The following FAM107B variants were observed in gnomAD, a reference collection of about 807,000 sequenced individuals.
FAM107B encodes protein FAM107B.
FAM107B carries 21 observed loss-of-function variants against 31.5 expected under a neutral mutation model. The observed-to-expected ratio is 0.67, with a 90% CI of 0.47 to 0.96. The LOEUF (loss-of-function observed/expected upper bound fraction) is 0.96. FAM107B is among the 40% of genes least tolerant of loss of function. FAM107B has a pLI of 0.00. For missense variants in FAM107B, 452 were observed against 377.1 expected (o/e 1.20, Z -1.64); for synonymous variants, 157 against 141.5 (o/e 1.11, Z -0.78).
chr10:14,568,043 G>A (rs1013099511), intron 2 of FAM107B, among the ~76,000 whole-genome samples: 1 of 152,212 alleles, frequency 6.6e-6, no homozygotes, highest in Non-Finnish European at 1.5e-5. Context: ...GACCCCTGCA[G>A]CAGATGACTG....
At chr10:14,702,432 C>T (rs541429239) in intron 1 of FAM107B, among the ~76,000 whole-genome samples, 1 of 152,208 alleles carries the variant, frequency 6.6e-6, no homozygotes, top group African/African-American at 2.4e-5. Context: ...TGGCTCACTC[C>T]ACCTCCTGAG....
intron 3 of FAM107B, among the ~76,000 whole-genome samples, chr10:14,524,745 C>G (rs917284941): frequency 1.3e-5 from 2 of 152,096 alleles, no homozygotes; most frequent in African/African-American, 4.8e-5. Flanking sequence ...AAGAATTTAG[C>G]TATCTGAATA....
intron 2 of FAM107B, among the ~76,000 whole-genome samples, chr10:14,648,835 G>A (rs541701720): frequency 3.3e-5 from 5 of 152,174 alleles, no homozygotes; most frequent in South Asian, 4.1e-4. Context: ...AATATTTATC[G>A]AGGACTTGGT....
intron 2 of FAM107B, among the ~76,000 whole-genome samples, chr10:14,652,168 C>G (rs1853918471): frequency 6.6e-6 from 1 of 150,894 alleles, no homozygotes; most frequent in African/African-American, 2.4e-5. Flanking sequence ...AAAAAAAAAG[C>G]AGTGACTCTT....
chr10:14,615,999 G>GA, intron 2 of FAM107B, among the ~76,000 whole-genome samples: 1 of 152,140 alleles, frequency 6.6e-6, no homozygotes. Context: ...TTGTATAAAA[G>GA]AATCACAAAA....
In FAM107B at chr10:14,593,183, G is replaced by A. The variant is rs563583125; in HGVS notation, c.470-62668C>T. Among the ~76,000 whole-genome samples the A allele has an allele frequency of 5.3e-5, 8 of 151,970 alleles. No individual in the cohort carries two copies. In the East Asian group the frequency reaches 1.5e-3, roughly 29 times the overall value. Reference sequence around the variant, plus strand: ...TCTTAATTTTTATTCTTAAAACTAGGTATTCTAACATAAAAAGCTTTTTTG... The same window carrying A: ...TCTTAATTTTTATTCTTAAAACTAGATATTCTAACATAAAAAGCTTTTTTG... On this transcript the variant is annotated intron_variant, in intron 2 of 4. Transcript: ENST00000181796.
chr10:14,557,524 T>C (rs989362296), intron 2 of FAM107B, among the ~76,000 whole-genome samples: 5 of 152,198 alleles, frequency 3.3e-5, no homozygotes, highest in Admixed American at 6.5e-5. Flanking sequence ...TGCTCTACTG[T>C]AATGTCTTGA....
chr10:14,728,906 C>A (rs1005123965), intron 1 of FAM107B, among the ~76,000 whole-genome samples: 4 of 152,186 alleles, frequency 2.6e-5, no homozygotes, highest in African/African-American at 9.7e-5. Flanking sequence ...CCCTATTAAT[C>A]TGCCTCGTAA....
chr10:14,727,091 G>A (rs1181339788), intron 1 of FAM107B, among the ~76,000 whole-genome samples: 4 of 152,154 alleles, frequency 2.6e-5, no homozygotes, highest in African/African-American at 7.2e-5. Context: ...TAGGGTTCAC[G>A]CTTCTGTGAG....
intron 2 of FAM107B, among the ~76,000 whole-genome samples, chr10:14,568,061 G>A (rs1850829355): frequency 2.6e-5 from 4 of 152,242 alleles, no homozygotes; most frequent in African/African-American, 7.2e-5. Context: ...CTGTGAGCCA[G>A]GGGCCAAAAC....
At chr10:14,566,119 C>G (rs555484631) in intron 2 of FAM107B, among the ~76,000 whole-genome samples, 1 of 152,340 alleles carries the variant, frequency 6.6e-6, no homozygotes, top group African/African-American at 2.4e-5. Context: ...TCACTTTGCA[C>G]TGGGCCCAGA....
intron 2 of FAM107B, chr10:14,553,293 A>G (rs1376999502): frequency 8.3e-6 from 10 of 1,207,756 alleles, no homozygotes; most frequent in African/African-American, 1.6e-5. Flanking sequence ...AATAAAGATG[A>G]CCGAGACAGT....
intron 2 of FAM107B, among the ~76,000 whole-genome samples, chr10:14,614,147 C>A (rs11595860): frequency 0.36 from 54,923 of 151,766 alleles, 10,435 homozygotes; most frequent in Non-Finnish European, 0.4. Context: ...TAAATAAATA[C>A]AATTTGAACT....
intron 2 of FAM107B, among the ~76,000 whole-genome samples, chr10:14,561,091 T>C (rs776779954): frequency 3.3e-5 from 5 of 152,176 alleles, no homozygotes; most frequent in Admixed American, 6.5e-5. Context: ...ACCTGGCGAG[T>C]AAATGCCATC....
intron 2 of FAM107B, among the ~76,000 whole-genome samples, chr10:14,646,336 G>A (rs906233622): frequency 4.0e-5 from 6 of 151,754 alleles, no homozygotes; most frequent in African/African-American, 9.7e-5. Context: ...CCTCACCCCC[G>A]TCCACCCTCC....
At chr10:14,751,436 G>T (rs1398643037) in intron 1 of FAM107B, among the ~76,000 whole-genome samples, 1 of 152,090 alleles carries the variant, frequency 6.6e-6, no homozygotes, top group Non-Finnish European at 1.5e-5. Flanking sequence ...GAAAACCTAG[G>T]CTGTTCGAAG....
rs370098633 is a variant in FAM107B, at chr10:14,676,180, CA to C, written c.412-8490del. 6.1e-3 allele frequency among the ~76,000 whole-genome samples: 928 copies of C among 152,066 alleles called. 17 individuals are homozygous for C. Among genetic ancestry groups the C allele is most frequent in the African/African-American group, 0.019 (808 of 41,468 alleles). On this transcript the variant is annotated intron_variant, in intron 1 of 4. Transcript: ENST00000181796. ...TCTCAGAATCAAAAACAAAACAAAA[CA>C]AAAAAACTTATGTAGCAGCAGCATC... is the stretch of plus-strand genomic sequence containing the variant.
At chr10:14,657,905 G>A (rs1279921197) in intron 2 of FAM107B, among the ~76,000 whole-genome samples, 1 of 151,848 alleles carries the variant, frequency 6.6e-6, no homozygotes. Context: ...TGGCAGCCCA[G>A]ACTCAAGAGA....
intron 2 of FAM107B, among the ~76,000 whole-genome samples, chr10:14,622,936 T>G (rs1853053859): frequency 6.6e-6 from 1 of 152,170 alleles, no homozygotes; most frequent in Admixed American, 6.5e-5. Context: ...ACTACACAAT[T>G]TCTAGTTTGC....
Sources: gnomAD v4.1 joint callset for allele counts (sites outside exome capture counted in the v4.1 genomes callset) on GRCh38, gnomAD v4.1.1 for gene constraint, MANE v1.5 for transcripts, NCBI Gene and HGNC (gene_info 2026-07-23, HGNC 2026-07-21) for gene names.